MEI1: variants seen among roughly 807,000 people sequenced by gnomAD.
The protein encoded by MEI1 is meiotic double-stranded break formation protein 1, also known as meiosis inhibitor protein 1.
In MEI1, 103 loss-of-function variants were observed where a neutral mutation model predicts 146.2. That is an observed-to-expected ratio of 0.70 (90% confidence interval 0.60 to 0.83). MEI1 has a LOEUF of 0.83. Ranked by LOEUF, MEI1 falls within the 40% of genes least tolerant of loss-of-function variation. The pLI is 0.00. For missense variants in MEI1, 1,529 were observed against 1,533.0 expected (o/e 1.00, Z 0.04); for synonymous variants, 652 against 628.2 (o/e 1.04, Z -0.57).
At chr22:41,751,074 T>G (rs2073718427) in intron 15 of MEI1, among the ~76,000 whole-genome samples, 1 of 151,908 alleles carries the variant, frequency 6.6e-6, no homozygotes, top group South Asian at 2.1e-4. Context: ...AGGCTCAACC[T>G]GCAAGAGGGA....
intron 26 of MEI1, among the ~76,000 whole-genome samples, chr22:41,793,063 T>C (rs969292313): frequency 5.1e-5 from 6 of 118,632 alleles, no homozygotes; most frequent in Non-Finnish European, 8.3e-5. Context: ...TTTTTTTTTT[T>C]CAGATAGAGT....
intron 15 of MEI1, among the ~76,000 whole-genome samples, 191 bp downstream of exon 15, chr22:41,748,409 C>T (rs1279867026): frequency 1.3e-5 from 2 of 152,032 alleles, no homozygotes; most frequent in African/African-American, 2.4e-5. Flanking sequence ...AGGGGCTGGG[C>T]GTGGTAGCTC....
chr22:41,798,876 C>CA (rs36107725), intron 30 of MEI1, among the ~76,000 whole-genome samples: 2,894 of 76,296 alleles, frequency 0.038, 47 homozygotes, highest in South Asian at 0.055. Flanking sequence ...GACTATGTCT[C>CA]AAAAAAAAAA....
At chr22:41,755,882 C>T (rs752386535) in intron 17 of MEI1, among the ~76,000 whole-genome samples, 1 of 152,162 alleles carries the variant, frequency 6.6e-6, no homozygotes, top group Non-Finnish European at 1.5e-5. Context: ...TCCTCACCCT[C>T]TGCTTGCCCA....
At chr22:41,798,115 CAACACACA>C (rs1461571765) in intron 30 of MEI1, among the ~76,000 whole-genome samples, 3 of 111,270 alleles carry the variant, frequency 2.7e-5, no homozygotes, top group African/African-American at 1.1e-4. Flanking sequence ...ATCCTCAGCC[CAACACACA>C]CACACACACA....
intron 6 of MEI1, among the ~76,000 whole-genome samples, chr22:41,723,218 G>GT (rs11285552): frequency 2.5e-4 from 37 of 146,960 alleles, no homozygotes; most frequent in Admixed American, 1.9e-3. Context: ...GTCTGACTTG[G>GT]TTTTTTTTTT....
intron 26 of MEI1, among the ~76,000 whole-genome samples, chr22:41,793,227 G>A (rs772000773): frequency 1.3e-5 from 2 of 151,174 alleles, no homozygotes; most frequent in Non-Finnish European, 2.9e-5. Flanking sequence ...TAGTAGAGAT[G>A]GGGTTTCATC....
chr22:41,715,127 T>C (rs2069984664), intron 4 of MEI1, among the ~76,000 whole-genome samples: 1 of 152,160 alleles, frequency 6.6e-6, no homozygotes, highest in Non-Finnish European at 1.5e-5. Flanking sequence ...ATGATGCCAC[T>C]TAACATTTAT....
intron 8 of MEI1, among the ~76,000 whole-genome samples, 163 bp from the exon 9 acceptor site, chr22:41,730,358 C>G (rs752070189): frequency 1.3e-5 from 2 of 152,144 alleles, no homozygotes; most frequent in Admixed American, 6.6e-5. Flanking sequence ...AGGGCACTTT[C>G]CAGGTTTATT....
At chr22:41,779,014 A>G in intron 22 of MEI1, 1 of 519,528 alleles carries the variant, frequency 1.9e-6, no homozygotes, top group Non-Finnish European at 3.5e-6. Context: ...TTTGGGAGAC[A>G]CCCTACCTCT....
At chr22:41,773,100 A>G (rs1291451580) in intron 20 of MEI1, among the ~76,000 whole-genome samples, 1 of 152,218 alleles carries the variant, frequency 6.6e-6, no homozygotes, top group Non-Finnish European at 1.5e-5. Context: ...ATCCCAGGGA[A>G]GCTGGAGTGG....
intron 12 of MEI1, among the ~76,000 whole-genome samples, chr22:41,743,669 G>A (rs2073061572): frequency 6.6e-6 from 1 of 152,188 alleles, no homozygotes; most frequent in Non-Finnish European, 1.5e-5. Flanking sequence ...CAGTGTGAAT[G>A]TTGATTATGT....
chr22:41,781,263 G>T, intron 22 of MEI1, 21 bp from the exon 23 acceptor site: 2 of 1,582,678 alleles, frequency 1.3e-6, no homozygotes, highest in Non-Finnish European at 8.6e-7. Context: ...CAGGCCGACT[G>T]GGGACTTTCA....
chr22:41,710,965 T>C (rs2069500376), intron 3 of MEI1, among the ~76,000 whole-genome samples: 1 of 152,156 alleles, frequency 6.6e-6, no homozygotes, highest in South Asian at 2.1e-4. Flanking sequence ...AACTTGTACA[T>C]GGATCCATTG....
chr22:41,784,245 T>TG, intron 24 of MEI1, 94 bp from the exon 25 acceptor site: 2 of 1,069,664 alleles, frequency 1.9e-6, no homozygotes, highest in Non-Finnish European at 2.8e-6. Context: ...AGTGGATATG[T>TG]GGGGGGAGGT....
chr22:41,774,266 C>G (rs542348126), intron 20 of MEI1: 1 of 152,402 alleles, frequency 6.6e-6, no homozygotes, highest in Admixed American at 6.5e-5. Context: ...CCTCACGTTC[C>G]TCTTCCTCCA....
intron 19 of MEI1, among the ~76,000 whole-genome samples, chr22:41,769,680 C>G (rs563335040): frequency 6.6e-6 from 1 of 151,270 alleles, no homozygotes; most frequent in Non-Finnish European, 1.5e-5. Flanking sequence ...CCATGTTGGC[C>G]AGGCTGGTCT....
Position 41,748,208 on chromosome 22 carries a change from C to T in MEI1, c.1782C>T (p.Ser594=), listed in dbSNP as rs372932806. ...VIVPHMKEKF[S]KKLASSSFIR... is the part of the protein sequence containing the mutation. ...TTCCCCACATGAAGGAGAAGTTTTC[C>T]AAGAAGCTTGGTAGGCAGCAGGCAA... is the stretch of plus-strand genomic sequence containing the variant. The change falls in exon 15 of 31, where the codon TCC becomes TCT. Residue 594 remains serine, a synonymous_variant. Coordinates refer to ENST00000401548, the MANE Select transcript of MEI1 (RefSeq NM_152513.4). 3.0e-5 allele frequency: 48 copies of T among 1,612,238 alleles called. No homozygotes were observed. In the African/African-American group the frequency reaches 5.6e-4, roughly 19 times the overall value.
chr22:41,781,971 T>G, intron 24 of MEI1, 126 bp downstream of exon 24: 1 of 1,035,080 alleles, frequency 9.7e-7, no homozygotes, highest in Non-Finnish European at 1.4e-6. Context: ...TATTTACCCT[T>G]TCTGAGCTCA....
Sources: gnomAD v4.1 joint callset for allele counts (sites outside exome capture counted in the v4.1 genomes callset) on GRCh38, gnomAD v4.1.1 for gene constraint, MANE v1.5 for transcripts, NCBI Gene and HGNC (gene_info 2026-07-23, HGNC 2026-07-21) for gene names.